DYM: variants seen among roughly 807,000 people sequenced by gnomAD.
DYM encodes dyggve-Melchior-Clausen syndrome protein.
In DYM, 78 loss-of-function variants were observed where a neutral mutation model predicts 93.1. The observed-to-expected ratio is 0.84, with a 90% confidence interval of 0.70 to 1.01. The LOEUF is 1.01. Ranked by LOEUF, DYM falls within the 50% of genes least tolerant of loss-of-function variation. The pLI is 0.00. For synonymous variants in DYM, 321 were observed against 319.7 expected, an observed-to-expected ratio of 1.00 and a Z score of -0.04; for missense variants, 789 against 845.0, an observed-to-expected ratio of 0.93 and a Z score of 0.82.
chr18:49,423,034 C>A (rs1057452027), intron 2 of DYM, among the ~76,000 whole-genome samples: 1 of 152,128 alleles, frequency 6.6e-6, no homozygotes, highest in Non-Finnish European at 1.5e-5. Context: ...CAGCTCTGCA[C>A]CAAGTGGACC....
chr18:49,158,784 T>C (rs568716587), intron 15 of DYM, among the ~76,000 whole-genome samples: 1 of 152,172 alleles, frequency 6.6e-6, no homozygotes, highest in Non-Finnish European at 1.5e-5. Flanking sequence ...GAGGGGATGA[T>C]TAAGGAGTAA....
At chr18:49,325,682 T>G (rs1020293640) in intron 8 of DYM, among the ~76,000 whole-genome samples, 1 of 152,210 alleles carries the variant, frequency 6.6e-6, no homozygotes, top group Non-Finnish European at 1.5e-5. Context: ...GGCAAAAAAT[T>G]TATTAATAAC....
At chr18:49,360,259 C>CAA (rs5824786) in intron 6 of DYM, among the ~76,000 whole-genome samples, 1,313 of 115,282 alleles carry the variant, frequency 0.011, 13 homozygotes, top group African/African-American at 0.03. Flanking sequence ...TCAATAAAGG[C>CAA]AAAAAAAAAA....
intron 14 of DYM, among the ~76,000 whole-genome samples, chr18:49,168,617 T>C (rs1418650668): frequency 6.6e-6 from 1 of 152,174 alleles, no homozygotes; most frequent in Non-Finnish European, 1.5e-5. Context: ...ACTTTTATTC[T>C]ATTCGGAGTG....
rs573141285 is a variant in DYM, at chr18:49,336,874, G to A, written c.495-3021C>T. 7.2e-5 allele frequency among the ~76,000 whole-genome samples: 11 copies of A among 152,260 alleles called. No individual in the cohort carries two copies. The East Asian group carries it at 1.2e-3, about 16-fold the overall frequency. On this transcript the variant is annotated intron_variant, in intron 6 of 17. Coordinates refer to ENST00000675505, the MANE Select transcript of DYM (RefSeq NM_001353214.3). The stretch of plus-strand genomic sequence containing the variant: ...AGTAACTATGGGATCAAAAGAAAGC[G>A]TCTCTTAAAAAGTGGCATTTAAAAC...
At chr18:49,455,133 G>A (rs544669622) in intron 1 of DYM, among the ~76,000 whole-genome samples, 52 of 152,134 alleles carry the variant, frequency 3.4e-4, no homozygotes, top group Non-Finnish European at 3.7e-4. Context: ...TTCTTACTCC[G>A]CACATAGTAA....
intron 6 of DYM, among the ~76,000 whole-genome samples, chr18:49,341,439 C>T (rs1337411960): frequency 1.6e-5 from 2 of 125,540 alleles, no homozygotes; most frequent in African/African-American, 6.3e-5. Flanking sequence ...TTGCAGTAAG[C>T]TGAGATCGCA....
chr18:49,262,264 A>G (rs994563560), intron 11 of DYM, among the ~76,000 whole-genome samples: 1 of 152,086 alleles, frequency 6.6e-6, no homozygotes, highest in African/African-American at 2.4e-5. Context: ...GCCTGCGACC[A>G]CCAGAAGCTA....
chr18:49,389,568 T>A (rs886125127), intron 3 of DYM, among the ~76,000 whole-genome samples: 1 of 152,122 alleles, frequency 6.6e-6, no homozygotes, highest in Non-Finnish European at 1.5e-5. Context: ...GCCATCATGG[T>A]TCCCTGCAGC....
intron 8 of DYM, among the ~76,000 whole-genome samples, chr18:49,301,704 A>C (rs1323901702): frequency 3.3e-5 from 5 of 152,206 alleles, no homozygotes; most frequent in African/African-American, 1.2e-4. Context: ...ATACACTAAC[A>C]CTAGTAGTCT....
intron 1 of DYM, among the ~76,000 whole-genome samples, chr18:49,441,329 AT>A (rs2081594987): frequency 2.7e-5 from 2 of 73,224 alleles, no homozygotes; most frequent in Non-Finnish European, 4.9e-5. Context: ...ATTATATATA[AT>A]ATAATTATAT....
chr18:49,108,308 C>G (rs1056700077), intron 16 of DYM, among the ~76,000 whole-genome samples: 1 of 152,240 alleles, frequency 6.6e-6, no homozygotes, highest in Admixed American at 6.5e-5. Flanking sequence ...GTCTGTCACC[C>G]CTTTCTTTGA....
chr18:49,156,830 G>A lies in DYM; in HGVS notation c.1728+6855C>T, dbSNP rs144046116. On this transcript the variant is annotated intron_variant, in intron 15 of 17. Coordinates refer to ENST00000675505, the MANE Select transcript of DYM (RefSeq NM_001353214.3). ...ATATGCCCCCCTCCTAGATGCAAGG[G>A]AGCTGGAAAATGTTGCTTTGCTGTG... Among the ~76,000 whole-genome samples the A allele has an allele frequency of 6.9e-3, 1,050 of 152,146 alleles. 3 individuals are homozygous for A. Among genetic ancestry groups the A allele is most frequent in the Middle Eastern group, 0.014 (4 of 294 alleles).
chr18:49,364,797 C>T (rs2066367038), intron 5 of DYM, among the ~76,000 whole-genome samples: 1 of 152,108 alleles, frequency 6.6e-6, no homozygotes, highest in Admixed American at 6.5e-5. Flanking sequence ...AGTAACATTC[C>T]CTCTGCCTGG....
chr18:49,196,936 A>AC (rs1296551257), intron 14 of DYM, among the ~76,000 whole-genome samples: 6 of 152,170 alleles, frequency 3.9e-5, no homozygotes, highest in African/African-American at 9.7e-5. Flanking sequence ...CAGAGAAAAA[A>AC]AAGTAGAGAT....
At position 49,416,240 on chromosome 18, in the gene DYM, A is replaced by G. The variant is rs536641974; in HGVS notation, c.140+14015T>C. ...TGTTTCATCATCCCTATGAATCTAC[A>G]TGGTAGGGGTTATTATTTCCATTTT... On this transcript the variant is annotated intron_variant, in intron 2 of 17. Transcript: ENST00000675505. Among the ~76,000 whole-genome samples the G allele has an allele frequency of 2.0e-5, 3 of 152,316 alleles. No homozygotes were observed. The South Asian group carries it at 6.2e-4, about 32-fold the overall frequency.
intron 13 of DYM, among the ~76,000 whole-genome samples, chr18:49,216,194 G>A (rs1388108900): frequency 6.6e-6 from 1 of 152,186 alleles, no homozygotes; most frequent in Admixed American, 6.5e-5. Flanking sequence ...CAGCGAGGCT[G>A]GGGGAGGGGC....
At chr18:49,447,551 C>T (rs2082195457) in intron 1 of DYM, 1 of 152,180 alleles carries the variant, frequency 6.6e-6, no homozygotes, top group African/African-American at 2.4e-5. Flanking sequence ...CATTTTAGAC[C>T]TTTCATGGAG....
chr18:49,317,594 TCTCCCCCCTCCCCCCTCCCTCCCTC>T (rs2062059002), intron 8 of DYM, among the ~76,000 whole-genome samples: 3 of 28,042 alleles, frequency 1.1e-4, no homozygotes, highest in African/African-American at 3.3e-4. Context: ...TCTCTCTCTC[TCTCCCCCCTCCCCCCTCCCTCCCTC>T]CCTCCCTCCC....
Sources: allele counts gnomAD v4.1 joint callset (sites outside exome capture counted in the v4.1 genomes callset), GRCh38; gene constraint gnomAD v4.1.1; transcripts MANE v1.5; gene names NCBI Gene and HGNC (gene_info 2026-07-23, HGNC 2026-07-21).